Variants in LRP1B observed in about 807,000 individuals in gnomAD.
LRP1B encodes LDL receptor related protein 1B.
In LRP1B, 217 loss-of-function variants were observed where a neutral mutation model predicts 556.6. That is an observed-to-expected ratio of 0.39 (90% CI 0.35 to 0.44). LRP1B has a LOEUF of 0.44. Among genes scored for constraint, LRP1B ranks in the 20% least tolerant of loss-of-function variants. The pLI, the probability that LRP1B is intolerant of heterozygous loss-of-function variation, is 1.00. For missense variants in LRP1B, 5,053 were observed against 5,620.8 expected (o/e 0.90, Z 3.23); for synonymous variants, 2,047 against 1,865.8 (o/e 1.10, Z -2.50).
chr2:141,640,344 A>G (rs528407233), intron 2 of LRP1B, among the ~76,000 whole-genome samples: 2 of 152,220 alleles, frequency 1.3e-5, no homozygotes, highest in Admixed American at 6.5e-5. Context: ...TAATACCCTG[A>G]TGGGTAAAAA....
At chr2:140,881,366 T>C (rs1465122150) in intron 25 of LRP1B, among the ~76,000 whole-genome samples, 1 of 152,048 alleles carries the variant, frequency 6.6e-6, no homozygotes, top group East Asian at 1.9e-4. Flanking sequence ...TTTATCAAAA[T>C]AGCCAATAAA....
chr2:142,060,178 A>T (rs1318900830), intron 1 of LRP1B, among the ~76,000 whole-genome samples: 1 of 152,042 alleles, frequency 6.6e-6, no homozygotes, highest in African/African-American at 2.4e-5. Context: ...AGGAGAAATG[A>T]TGGTTTTGGA....
intron 35 of LRP1B, among the ~76,000 whole-genome samples, chr2:140,747,404 CAT>C (rs1447315761): frequency 6.6e-6 from 1 of 152,176 alleles, no homozygotes; most frequent in Non-Finnish European, 1.5e-5. Flanking sequence ...AACTTTTTCA[CAT>C]GTCAGTTGAA....
At chr2:141,343,011 C>A (rs1019404279) in intron 3 of LRP1B, among the ~76,000 whole-genome samples, 1 of 152,188 alleles carries the variant, frequency 6.6e-6, no homozygotes, top group Non-Finnish European at 1.5e-5. Context: ...GCCCATCCGA[C>A]TAACAGAGGG....
intron 1 of LRP1B, among the ~76,000 whole-genome samples, chr2:141,854,127 A>T (rs1339553895): frequency 1.3e-5 from 2 of 152,046 alleles, no homozygotes; most frequent in African/African-American, 4.8e-5. Flanking sequence ...TGTTGCATTC[A>T]TGTAAACCCT....
chr2:141,640,550 A>G (rs1253067263), intron 2 of LRP1B, among the ~76,000 whole-genome samples: 1 of 152,134 alleles, frequency 6.6e-6, no homozygotes, highest in African/African-American at 2.4e-5. Flanking sequence ...CAAACCTGTA[A>G]TCCCAGCACT....
rs1680518899 is a variant in LRP1B at position 140,232,593 on chromosome 2, T to C, written c.*593A>G. 1 of 151,762 alleles carries C rather than the reference T, an allele frequency of 6.6e-6. No homozygotes were observed. Among genetic ancestry groups the C allele is most frequent in the South Asian group, 2.1e-4 (1 of 4,832 alleles). 9.4% of individuals were successfully genotyped at this position (151,762 alleles called of 1,614,324 possible). On this transcript the variant is annotated 3_prime_UTR_variant, in exon 91 of 91. Transcript: ENST00000389484. ...CTGTGTTCATGCAAATTATTAATTT[T>C]ACATATTTTTAATTTTTTTCCTCAA...
chr2:140,501,687 C>A lies in LRP1B; in HGVS notation c.8850G>T (p.Lys2950Asn), dbSNP rs149427515. The A allele has an allele frequency of 6.2e-7, 1 of 1,607,678 alleles. No homozygotes were observed. Among genetic ancestry groups the A allele is most frequent in the Non-Finnish European group, 8.5e-7 (1 of 1,176,432 alleles). Residue 2950 changes from lysine to asparagine, a missense_variant and splice_region_variant, in exon 55 of 91, where the codon AAG becomes AAT. Physicochemically the swap from Lys to Asn is moderately conservative, Grantham distance 94 (BLOSUM62 0). Around this residue, in one of 5 missense-constraint regions of LRP1B, gnomAD observed 3,619 missense variants for 3,931.9 expected, o/e 0.92. Coordinates refer to ENST00000389484, the MANE Select transcript of LRP1B (RefSeq NM_018557.3). ...QDCQDLPVSY[K>N]CKCWPGFQLK... ...TTTGCTACTTTTGATGAGTACCTAC[C>A]TTATAACTGACCGGAAGGTCTTGAC... is the stretch of plus-strand genomic sequence containing the variant.
chr2:140,996,217 CA>C (rs1391840162), intron 15 of LRP1B, among the ~76,000 whole-genome samples: 3 of 151,920 alleles, frequency 2.0e-5, no homozygotes, highest in African/African-American at 7.2e-5. Flanking sequence ...CGTAAGGCAT[CA>C]TTAATTGTAA....
chr2:140,681,567 T>A (rs926357369), intron 41 of LRP1B, among the ~76,000 whole-genome samples: 1 of 152,144 alleles, frequency 6.6e-6, no homozygotes, highest in African/African-American at 2.4e-5. Context: ...AAGCTGACAC[T>A]GTTCTTGGTA....
chr2:141,770,731 A>C (rs1392023312), intron 2 of LRP1B, among the ~76,000 whole-genome samples: 1 of 152,150 alleles, frequency 6.6e-6, no homozygotes, highest in African/African-American at 2.4e-5. Context: ...CCACCTCCCT[A>C]CAGGCGCTGT....
At chr2:140,923,298 T>A in intron 20 of LRP1B, 151 bp from the exon 21 acceptor site, 1 of 586,290 alleles carries the variant, frequency 1.7e-6, no homozygotes, top group Non-Finnish European at 3.0e-6. Flanking sequence ...TTTAGATGGT[T>A]AATAAGTATA....
intron 1 of LRP1B, among the ~76,000 whole-genome samples, chr2:142,084,083 G>T (rs142299827): frequency 1.3e-5 from 2 of 151,532 alleles, no homozygotes; most frequent in Non-Finnish European, 2.9e-5. Context: ...GGATTCAAGC[G>T]ATTCTTGTGC....
rs1466609178 is a variant in LRP1B at position 140,541,083 on chromosome 2, C to T, written c.7403G>A (p.Cys2468Tyr). 1 of 1,609,254 alleles carries T rather than the reference C, an allele frequency of 6.2e-7. No homozygotes were observed. The highest frequency in any genetic ancestry group is 8.5e-7 in the Non-Finnish European group (1 of 1,176,704). Residue 2468 changes from cysteine (C) to tyrosine (Y), a missense_variant, in exon 45 of 91, where the codon TGT becomes TAT. Cys to Tyr is a radical substitution (Grantham distance 194, BLOSUM62 -2). Coordinates refer to ENST00000389484, the MANE Select transcript of LRP1B (RefSeq NM_018557.3). ...NDTNSCELSP[C>Y]ALLNGGCHDL... ...ATGGCAGCCTCCATTCAATAATGCA[C>T]ATGGAGAAAGTTCACCTACAATAAA...
chr2:141,420,902 G>C (rs905191084), intron 3 of LRP1B, among the ~76,000 whole-genome samples: 16 of 152,170 alleles, frequency 1.1e-4, no homozygotes, highest in African/African-American at 3.9e-4. Context: ...TGGGTGCTTG[G>C]TGCACTCTTC....
chr2:141,683,383 C>T (rs1383776660), intron 2 of LRP1B, among the ~76,000 whole-genome samples: 1 of 152,046 alleles, frequency 6.6e-6, no homozygotes, highest in East Asian at 1.9e-4. Flanking sequence ...CCTAAATTAT[C>T]ATAAACAGAA....
chr2:140,404,927 C>T (rs1196924162), intron 66 of LRP1B, among the ~76,000 whole-genome samples: 2 of 152,170 alleles, frequency 1.3e-5, no homozygotes, highest in African/African-American at 2.4e-5. Flanking sequence ...AATATACATT[C>T]TTCTCATCAG....
chr2:141,477,163 A>G (rs55762941), intron 3 of LRP1B, among the ~76,000 whole-genome samples: 75,757 of 151,270 alleles, frequency 0.5, 19,301 homozygotes, highest in Non-Finnish European at 0.55. Flanking sequence ...CAAAAAACAA[A>G]CAAACAAAAA....
intron 2 of LRP1B, among the ~76,000 whole-genome samples, chr2:141,770,783 G>T (rs1371808969): frequency 6.6e-6 from 1 of 152,170 alleles, no homozygotes; most frequent in Non-Finnish European, 1.5e-5. Flanking sequence ...GATTGAACTT[G>T]GAACCCCTAT....
Sources: gnomAD v4.1 joint callset for allele counts (sites outside exome capture counted in the v4.1 genomes callset) on GRCh38, gnomAD v4.1.1 for gene constraint, gnomAD v4.1.1 regional missense constraint, MANE v1.5 for transcripts, NCBI Gene and HGNC (gene_info 2026-07-23, HGNC 2026-07-21) for gene names.